TNFSF4: variants seen among roughly 807,000 people sequenced by gnomAD.
TNFSF4 encodes TNF superfamily member 4.
A neutral mutation model predicts 7.3 loss-of-function variants in TNFSF4; 4 were observed. The observed-to-expected ratio is 0.55, with a 90% CI of 0.27 to 1.25. The LOEUF is 1.25. Ranked by LOEUF, TNFSF4 falls within the 50% of genes most tolerant of loss-of-function variation. The probability of loss-of-function intolerance (pLI) is 0.12; values close to 1 mark genes in which losing one functional copy is unlikely to be tolerated. For missense variants in TNFSF4, 181 were observed against 208.8 expected (o/e 0.87, Z 0.82); for synonymous variants, 76 against 83.7 (o/e 0.91, Z 0.50).
the TNFSF4 span, among the ~76,000 whole-genome samples, chr1:173,401,985 T>C: frequency 6.6e-6 from 1 of 152,236 alleles, no homozygotes; most frequent in Non-Finnish European, 1.5e-5. Context: ...GAGCTCTCTG[T>C]CAGTTTCGTA....
the TNFSF4 span, among the ~76,000 whole-genome samples, chr1:173,220,915 A>T: frequency 6.6e-6 from 1 of 152,212 alleles, no homozygotes; most frequent in Non-Finnish European, 1.5e-5. Context: ...AAAAAAATAA[A>T]ATAAACAAAC....
intron 1 of TNFSF4, among the ~76,000 whole-genome samples, chr1:173,189,548 G>A (rs978796300): frequency 2.6e-5 from 4 of 152,106 alleles, no homozygotes; most frequent in African/African-American, 7.2e-5. Flanking sequence ...GTAAAACAGT[G>A]AAGACAGGAA....
At chr1:173,308,137 A>G in the TNFSF4 span, among the ~76,000 whole-genome samples, 1 of 151,892 alleles carries the variant, frequency 6.6e-6, no homozygotes, top group Non-Finnish European at 1.5e-5. Context: ...TGTGTTGCAA[A>G]TATCTTCTAC....
chr1:173,398,332 A>G, the TNFSF4 span, among the ~76,000 whole-genome samples: 1 of 152,004 alleles, frequency 6.6e-6, no homozygotes, highest in African/African-American at 2.4e-5. Context: ...CTTATTGGTA[A>G]AACATTTGTG....
the TNFSF4 span, among the ~76,000 whole-genome samples, chr1:173,411,166 C>G: frequency 6.6e-6 from 1 of 152,334 alleles, no homozygotes; most frequent in African/African-American, 2.4e-5. Context: ...AAAATTTCCA[C>G]CCACCTGAGA....
chr1:173,432,770 T>G, the TNFSF4 span, among the ~76,000 whole-genome samples: 1 of 152,042 alleles, frequency 6.6e-6, no homozygotes, highest in Non-Finnish European at 1.5e-5. Flanking sequence ...GTTTTAGGTG[T>G]TTTACCTATA....
the TNFSF4 span, among the ~76,000 whole-genome samples, chr1:173,241,190 C>A: frequency 6.6e-6 from 1 of 152,164 alleles, no homozygotes; most frequent in East Asian, 1.9e-4. Flanking sequence ...CTCTCCCCAA[C>A]CCCAACACAT....
chr1:173,406,725 T>C, the TNFSF4 span, among the ~76,000 whole-genome samples: 4 of 152,170 alleles, frequency 2.6e-5, no homozygotes, highest in South Asian at 2.1e-4. Flanking sequence ...AGTGGGGCGA[T>C]TGCCCTGCGA....
the TNFSF4 span, among the ~76,000 whole-genome samples, chr1:173,381,904 A>G: frequency 6.6e-6 from 1 of 152,162 alleles, no homozygotes; most frequent in African/African-American, 2.4e-5. Context: ...AAATGCACCA[A>G]TCAGTGCTCT....
the TNFSF4 span, among the ~76,000 whole-genome samples, chr1:173,232,381 G>A: frequency 6.6e-6 from 1 of 152,268 alleles, no homozygotes; most frequent in African/African-American, 2.4e-5. Context: ...GAGACAATGG[G>A]ATTTTCTAAA....
chr1:173,200,567 A>G (rs1283692023), intron 1 of TNFSF4, among the ~76,000 whole-genome samples: 1 of 152,240 alleles, frequency 6.6e-6, no homozygotes, highest in African/African-American at 2.4e-5. Context: ...TATGTTTTAC[A>G]TTACTAAACT....
At chr1:173,336,377 G>C in the TNFSF4 span, among the ~76,000 whole-genome samples, 1 of 152,198 alleles carries the variant, frequency 6.6e-6, no homozygotes, top group East Asian at 1.9e-4. Context: ...TATGCAGATG[G>C]TGACTCCAAT....
At chr1:173,296,912 T>C in the TNFSF4 span, among the ~76,000 whole-genome samples, 10 of 152,068 alleles carry the variant, frequency 6.6e-5, no homozygotes, top group Non-Finnish European at 1.2e-4. Flanking sequence ...AGCCTCTCAA[T>C]AGGCCTTGGA....
the TNFSF4 span, among the ~76,000 whole-genome samples, chr1:173,381,523 C>T: frequency 6.6e-6 from 1 of 152,182 alleles, no homozygotes; most frequent in Non-Finnish European, 1.5e-5. Flanking sequence ...AGGATCAAGG[C>T]CACCAAGCTA....
chr1:173,361,976 G>A, the TNFSF4 span, among the ~76,000 whole-genome samples: 3 of 152,184 alleles, frequency 2.0e-5, no homozygotes, highest in African/African-American at 2.4e-5. Flanking sequence ...AATTCCAAGA[G>A]GGCCATATAA....
the TNFSF4 span, among the ~76,000 whole-genome samples, chr1:173,420,886 A>C: frequency 1.4e-4 from 21 of 152,210 alleles, 1 homozygote; most frequent in Admixed American, 1.4e-3. Context: ...ACTTTTCCCC[A>C]AAGGCTCCTG....
chr1:173,310,916 T>C, the TNFSF4 span, among the ~76,000 whole-genome samples: 48 of 152,150 alleles, frequency 3.2e-4, 1 homozygote, highest in South Asian at 7.7e-3. Context: ...TTTGCTAATA[T>C]AGCTGCATCA....
the TNFSF4 span, among the ~76,000 whole-genome samples, chr1:173,334,527 A>G: frequency 2.0e-5 from 3 of 152,338 alleles, no homozygotes; most frequent in Middle Eastern, 3.4e-3. Context: ...GATTAAAATT[A>G]AACATAGAAT....
the TNFSF4 span, among the ~76,000 whole-genome samples, chr1:173,226,932 C>T: frequency 1.3e-5 from 2 of 152,166 alleles, no homozygotes; most frequent in Admixed American, 6.5e-5. Flanking sequence ...GGGAAGTATG[C>T]TTATATGAGA....
Sources: gnomAD v4.1 joint callset for allele counts (sites outside exome capture counted in the v4.1 genomes callset) on GRCh38, gnomAD v4.1.1 for gene constraint, MANE v1.5 for transcripts, NCBI Gene and HGNC (gene_info 2026-07-23, HGNC 2026-07-21) for gene names.